CLEC14A: variants seen among roughly 807,000 people sequenced by gnomAD.
CLEC14A encodes the protein C-type lectin domain containing 14A.
For synonymous variants in CLEC14A, 349 were observed against 292.0 expected, an observed-to-expected ratio of 1.20 and a Z score of -1.99; for missense variants, 682 against 659.9, an observed-to-expected ratio of 1.03 and a Z score of -0.37.
In CLEC14A at chr14:38,255,589, A is replaced by G. The variant is rs1227729397; in HGVS notation, c.434T>C (p.Val145Ala). ...CTCGACCCCACCGGTGGCCTGGAGT[A>G]CCGCGCATCTCCGCGCGGTGCAGGA... ...QRSCTARRCA[V>A]LQATGGVEPA... Residue 145 changes from valine to alanine, a missense_variant, in exon 1 of 1, where the codon GTA becomes GCA. Physicochemically the swap from Val to Ala is moderately conservative, Grantham distance 64. Coordinates refer to ENST00000342213, the MANE Select transcript of CLEC14A (RefSeq NM_175060.3). This position sits in a 1 kb window ranked among gnomAD's most constrained non-coding sequence, Gnocchi z 5.1. 1 of 1,612,374 alleles carries G rather than the reference A, an allele frequency of 6.2e-7. No individual in the cohort carries two copies. Among genetic ancestry groups the G allele is most frequent in the Non-Finnish European group, 8.5e-7 (1 of 1,179,860 alleles).
Position 38,254,538 on chromosome 14 carries a change from T to C in CLEC14A, c.*12A>G. ...AAAACTGTTCACAGGAGTGCCCATG[T>C]CCCCTGTTTCCCTATGCATCACTAG... is the stretch of plus-strand genomic sequence containing the variant. On this transcript the variant is annotated 3_prime_UTR_variant, in exon 1 of 1. Coordinates refer to ENST00000342213, the MANE Select transcript of CLEC14A (RefSeq NM_175060.3). 6.5e-7 allele frequency: 1 copy of C among 1,535,160 alleles called. No homozygotes were observed. The highest frequency in any genetic ancestry group is 8.8e-7 in the Non-Finnish European group (1 of 1,141,130).
Position 38,254,991 on chromosome 14 carries a change from A to G in CLEC14A, c.1032T>C (p.Pro344=), listed in dbSNP as rs767627256. 5.6e-6 allele frequency: 9 copies of G among 1,614,106 alleles called. No homozygotes were observed. The Admixed American group carries it at 1.5e-4, about 27-fold the overall frequency. ...PEQDNSVTSI[P]EIPRWGSQST... ...TCTGTGATCCCCATCGAGGAATCTC[A>G]GGAATAGATGTTACTGAATTGTCTT... The change falls in exon 1 of 1, where the codon CCT becomes CCC. Residue 344 remains proline, a synonymous_variant. Transcript: ENST00000342213.
Position 38,255,604 on chromosome 14 carries a change from G to C in CLEC14A, c.419C>G (p.Ala140Gly). The change falls in exon 1 of 1, where the codon GCG becomes GGG. Residue 140 changes from alanine to glycine, a missense_variant. Transcript: ENST00000342213. The surrounding 1 kb of genome is among the most constrained non-coding windows in gnomAD (Gnocchi z 5.1). ...WVEEPQRSCT[A>G]RRCAVLQATG... ...GGCCTGGAGTACCGCGCATCTCCGC[G>C]CGGTGCAGGAGCGTTGGGGCTCCTC... 7 of 1,611,630 alleles carry C rather than the reference G, an allele frequency of 4.3e-6. No homozygotes were observed. The highest frequency in any genetic ancestry group is 5.1e-6 in the Non-Finnish European group (6 of 1,179,840).
Position 38,254,859 on chromosome 14 carries a change from AG to A in CLEC14A, c.1163del (p.Thr388IlefsTer16). On this transcript the variant is annotated frameshift_variant, in exon 1 of 1. Coordinates refer to ENST00000342213, the MANE Select transcript of CLEC14A (RefSeq NM_175060.3). LOFTEE classifies it low-confidence loss of function (END_TRUNC). The stretch of plus-strand genomic sequence containing the variant: ...CAGAGGAGGAGTCGAAAGCCTGAGG[AG>A]TGGCAGAGGAAGTCGTAGAATTAAA... ...SKFNSTTSSA[T>X]PQAFDSSSAV... 6.2e-7 allele frequency: 1 copy of A among 1,613,846 alleles called. No homozygotes were observed. Among genetic ancestry groups the A allele is most frequent in the Non-Finnish European group, 8.5e-7 (1 of 1,179,848 alleles).
At position 38,255,255 on chromosome 14, in the gene CLEC14A, G is replaced by A. The variant is rs201561377; in HGVS notation, c.768C>T (p.Cys256=). The A allele has an allele frequency of 2.5e-4, 411 of 1,613,832 alleles. 1 individual carries two copies. The highest frequency in any genetic ancestry group is 1.2e-4 in the Non-Finnish European group (145 of 1,180,040). ...CPGRYLRAGK[C]AELPNCLDDL... ...CGTCTAGGCAGTTAGGGAGCTCTGC[G>A]CATTTGCCAGCACGGAGGTACCTCC... The change falls in exon 1 of 1, where the codon TGC becomes TGT. Residue 256 remains cysteine, a synonymous_variant. Transcript: ENST00000342213. The surrounding 1 kb of genome is among the most constrained non-coding windows in gnomAD (Gnocchi z 5.1).
At position 38,255,236 on chromosome 14, in the gene CLEC14A, G is replaced by T; in HGVS notation, c.787C>A (p.Leu263Ile). The change falls in exon 1 of 1, where the codon CTA (leucine) becomes ATA (isoleucine). Residue 263 changes from leucine (L) to isoleucine (I), a missense_variant. Transcript: ENST00000342213. This position sits in a 1 kb window ranked among gnomAD's most constrained non-coding sequence, Gnocchi z 5.1. The stretch of plus-strand genomic sequence containing the variant: ...CAGGCAAAGCCTCCCAAGTCGTCTA[G>T]GCAGTTAGGGAGCTCTGCGCATTTG... ...AGKCAELPNC[L>I]DDLGGFACEC... 6.2e-7 allele frequency: 1 copy of T among 1,613,888 alleles called. No individual in the cohort carries two copies. Among genetic ancestry groups the T allele is most frequent in the Non-Finnish European group, 8.5e-7 (1 of 1,180,038 alleles).
Position 38,255,090 on chromosome 14 carries a change from G to A in CLEC14A, c.933C>T (p.Thr311=), listed in dbSNP as rs758796396. 3 of 1,612,504 alleles carry A rather than the reference G, an allele frequency of 1.9e-6. No individual in the cohort carries two copies. Among genetic ancestry groups the A allele is most frequent in the Non-Finnish European group, 2.5e-6 (3 of 1,180,010 alleles). The change falls in exon 1 of 1, where the codon ACC becomes ACT. Residue 311 remains threonine (T), a synonymous_variant. Transcript: ENST00000342213. The surrounding 1 kb of genome is among the most constrained non-coding windows in gnomAD (Gnocchi z 5.1). Reference sequence around the variant, plus strand: ...GCCATGTTCTCTGCGGCACGGGGCTGGTTGCAGTGGCCGGCGGGCGCCTGG... The same window carrying A: ...GCCATGTTCTCTGCGGCACGGGGCTAGTTGCAGTGGCCGGCGGGCGCCTGG... ...VPTRRPPATA[T]SPVPQRTWPI...
At position 38,255,093 on chromosome 14, in the gene CLEC14A, T is replaced by G. The variant is rs1006053713; in HGVS notation, c.930A>C (p.Ala310=). The change falls in exon 1 of 1, where the codon GCA becomes GCC. Residue 310 remains alanine (A), a synonymous_variant. Transcript: ENST00000342213. This position sits in a 1 kb window ranked among gnomAD's most constrained non-coding sequence, Gnocchi z 5.1. The part of the protein sequence containing the change: ...GVPTRRPPAT[A]TSPVPQRTWP... Reference sequence around the variant, plus strand: ...ATGTTCTCTGCGGCACGGGGCTGGTTGCAGTGGCCGGCGGGCGCCTGGTGG... The same window carrying G: ...ATGTTCTCTGCGGCACGGGGCTGGTGGCAGTGGCCGGCGGGCGCCTGGTGG... The G allele has an allele frequency of 6.2e-7, 1 of 1,612,668 alleles. No homozygotes were observed. Among genetic ancestry groups the G allele is most frequent in the Non-Finnish European group, 8.5e-7 (1 of 1,179,994 alleles).
Position 38,255,810 on chromosome 14 carries a change from G to C in CLEC14A, c.213C>G (p.Arg71=), listed in dbSNP as rs1431594254. 6.5e-7 allele frequency: 1 copy of C among 1,539,116 alleles called. No individual in the cohort carries two copies. Among genetic ancestry groups the C allele is most frequent in the Admixed American group, 1.9e-5 (1 of 51,310 alleles). Reference sequence around the variant, plus strand: ...CTGCCCGCAGGAGCGCGAGCACAGCGCGCAGCTCGGCGCCCGCACGCACGG... The same window carrying C: ...CTGCCCGCAGGAGCGCGAGCACAGCCCGCAGCTCGGCGCCCGCACGCACGG... ...LSTVRAGAEL[R]AVLALLRAGP... The change falls in exon 1 of 1, where the codon CGC becomes CGG. Residue 71 remains arginine, a synonymous_variant. Coordinates refer to ENST00000342213, the MANE Select transcript of CLEC14A (RefSeq NM_175060.3). This position sits in a 1 kb window ranked among gnomAD's most constrained non-coding sequence, Gnocchi z 5.1.
At position 38,254,528 on chromosome 14, in the gene CLEC14A, A is replaced by G. The variant is rs1883999787; in HGVS notation, c.*22T>C. 1.3e-6 allele frequency: 2 copies of G among 1,522,814 alleles called. No homozygotes were observed. The highest frequency in any genetic ancestry group is 1.3e-5 in the South Asian group (1 of 76,404). 94.3% of individuals were successfully genotyped at this position (1,522,814 alleles called of 1,614,324 possible). On this transcript the variant is annotated 3_prime_UTR_variant, in exon 1 of 1. Transcript: ENST00000342213. ...TCAAAAGTGAAAAACTGTTCACAGG[A>G]GTGCCCATGTCCCCTGTTTCCCTAT...
In CLEC14A at chr14:38,255,873, G is replaced by A. The variant is rs1389633397; in HGVS notation, c.150C>T (p.Ala50=). The A allele has an allele frequency of 6.4e-7, 1 of 1,556,858 alleles. No homozygotes were observed. Among genetic ancestry groups the A allele is most frequent in the South Asian group, 1.2e-5 (1 of 85,604 alleles). The change falls in exon 1 of 1, where the codon GCC becomes GCT. Residue 50 remains alanine (A), a synonymous_variant. Coordinates refer to ENST00000342213, the MANE Select transcript of CLEC14A (RefSeq NM_175060.3). This position sits in a 1 kb window ranked among gnomAD's most constrained non-coding sequence, Gnocchi z 5.1. ...CACCTCGCAGGATGCAGGCCTCCTCGGCCGCCTGCCGCTTCATGGTAGCGT... is the reference window on the plus strand; with the variant it reads ...CACCTCGCAGGATGCAGGCCTCCTCAGCCGCCTGCCGCTTCATGGTAGCGT... ...LHHATMKRQA[A]EEACILRGGA...
chr14:38,255,642 C>A lies in CLEC14A; in HGVS notation c.381G>T (p.Thr127=), dbSNP rs138784727. 2 of 1,608,028 alleles carry A rather than the reference C, an allele frequency of 1.2e-6. No homozygotes were observed. The highest frequency in any genetic ancestry group is 3.3e-5 in the Admixed American group (2 of 59,826). ...SSDPGGLESD[T]LQWVEEPQRS... ...GTTGGGGCTCCTCCACCCACTGCAGCGTGTCGCTTTCGAGACCGCCGGGGT... is the reference window on the plus strand; with the variant it reads ...GTTGGGGCTCCTCCACCCACTGCAGAGTGTCGCTTTCGAGACCGCCGGGGT... Residue 127 remains threonine, a synonymous_variant, in exon 1 of 1, where the codon ACG becomes ACT. Coordinates refer to ENST00000342213, the MANE Select transcript of CLEC14A (RefSeq NM_175060.3). The surrounding 1 kb of genome is among the most constrained non-coding windows in gnomAD (Gnocchi z 5.1).
Position 38,254,548 on chromosome 14 carries a change from C to A in CLEC14A, c.*2G>T. The A allele has an allele frequency of 6.4e-7, 1 of 1,553,936 alleles. No individual in the cohort carries two copies. The highest frequency in any genetic ancestry group is 8.7e-7 in the Non-Finnish European group (1 of 1,149,422). ...ACAGGAGTGCCCATGTCCCCTGTTT[C>A]CCTATGCATCACTAGAGCCAAGAGG... On this transcript the variant is annotated 3_prime_UTR_variant, in exon 1 of 1. Coordinates refer to ENST00000342213, the MANE Select transcript of CLEC14A (RefSeq NM_175060.3).
rs1884048949 is a variant in CLEC14A at position 38,255,940 on chromosome 14, C to G, written c.83G>C (p.Arg28Pro). ...GGCCCCCGAGGCCGAGCAGCCAGCA[C>G]GGTCGGCAGTGGGGTGTTCGCCGCC... Reference protein sequence around the residue: ...PGGGEHPTADRAGCSASGACY... With the variant: ...PGGGEHPTADPAGCSASGACY... The change falls in exon 1 of 1, where the codon CGT (arginine) becomes CCT (proline). Residue 28 changes from arginine to proline, a missense_variant. Arg to Pro is a moderately radical substitution (Grantham distance 103). Transcript: ENST00000342213. The surrounding 1 kb of genome is among the most constrained non-coding windows in gnomAD (Gnocchi z 5.1). The G allele has an allele frequency of 6.4e-7, 1 of 1,564,166 alleles. No homozygotes were observed. The highest frequency in any genetic ancestry group is 1.8e-5 in the Admixed American group (1 of 54,140).
chr14:38,254,829 C>G lies in CLEC14A; in HGVS notation c.1194G>C (p.Val398=). Residue 398 remains valine (V), a synonymous_variant, in exon 1 of 1, where the codon GTG becomes GTC. Coordinates refer to ENST00000342213, the MANE Select transcript of CLEC14A (RefSeq NM_175060.3). ...TPQAFDSSSA[V]VFIFVSTAVV... ...CTGCTGTGCTCACAAATATGAAGAC[C>G]ACGGCAGAGGAGGAGTCGAAAGCCT... 10 of 1,614,070 alleles carry G rather than the reference C, an allele frequency of 6.2e-6. No homozygotes were observed. Among genetic ancestry groups the G allele is most frequent in the Non-Finnish European group, 8.5e-6 (10 of 1,180,006 alleles).
Position 38,255,032 on chromosome 14 carries a change from G to C in CLEC14A, c.991C>G (p.Pro331Ala), listed in dbSNP as rs370505658. 2 of 1,613,594 alleles carry C rather than the reference G, an allele frequency of 1.2e-6. No individual in the cohort carries two copies. Among genetic ancestry groups the C allele is most frequent in the East Asian group, 2.2e-5 (1 of 44,876 alleles). The change falls in exon 1 of 1, where the codon CCA (proline) becomes GCA (alanine). Residue 331 changes from proline to alanine, a missense_variant. By Grantham distance (27) the Pro-to-Ala change is conservative. Coordinates refer to ENST00000342213, the MANE Select transcript of CLEC14A (RefSeq NM_175060.3). This position sits in a 1 kb window ranked among gnomAD's most constrained non-coding sequence, Gnocchi z 5.1. ...GAATTGTCTTGTTCAGGGACAAGTG[G>C]TGTCTCTCCCAGCTTCTCGTCGACC... is the stretch of plus-strand genomic sequence containing the variant. The part of the protein sequence containing the change: ...IRVDEKLGET[P>A]LVPEQDNSVT...
In CLEC14A at chr14:38,255,521, C is replaced by T. The variant is rs766090486; in HGVS notation, c.502G>A (p.Gly168Ser). The T allele has an allele frequency of 9.3e-6, 15 of 1,613,252 alleles. No individual in the cohort carries two copies. Among genetic ancestry groups the T allele is most frequent in the Non-Finnish European group, 1.1e-5 (13 of 1,180,006 alleles). ...TCAAACTGGTACTTGCACAGGTAGC[C>T]GTTGGCGCGCAGGTGGCATCGCATC... Reference protein sequence around the residue: ...KEMRCHLRANGYLCKYQFEVL... With the variant: ...KEMRCHLRANSYLCKYQFEVL... Residue 168 changes from glycine (G) to serine (S), a missense_variant, in exon 1 of 1, where the codon GGC becomes AGC. Transcript: ENST00000342213. This position sits in a 1 kb window ranked among gnomAD's most constrained non-coding sequence, Gnocchi z 5.1.
At position 38,254,980 on chromosome 14, in the gene CLEC14A, C is replaced by T. The variant is rs60904056; in HGVS notation, c.1043G>A (p.Arg348Gln). 3.2e-3 allele frequency: 5,215 copies of T among 1,614,104 alleles called. 155 individuals carry two copies. The African/African-American group carries it at 0.057, about 18-fold the overall frequency. Residue 348 changes from arginine to glutamine, a missense_variant, in exon 1 of 1, where the codon CGA (arginine) becomes CAA (glutamine). Physicochemically the swap from Arg to Gln is conservative, Grantham distance 43 (BLOSUM62 1). Coordinates refer to ENST00000342213, the MANE Select transcript of CLEC14A (RefSeq NM_175060.3). ...NSVTSIPEIP[R>Q]WGSQSTMSTL... ...AGACATCGTGCTCTGTGATCCCCAT[C>T]GAGGAATCTCAGGAATAGATGTTAC... is the stretch of plus-strand genomic sequence containing the variant.
Position 38,255,444 on chromosome 14 carries a change from G to T in CLEC14A, c.579C>A (p.Arg193=). The change falls in exon 1 of 1, where the codon CGC becomes CGA. Residue 193 remains arginine (R), a synonymous_variant. Coordinates refer to ENST00000342213, the MANE Select transcript of CLEC14A (RefSeq NM_175060.3). The surrounding 1 kb of genome is among the most constrained non-coding windows in gnomAD (Gnocchi z 5.1). ...CGGCGCTGTGCAGCTGGAAGGGCGC[G>T]CGATAGCTCAAGTTAGAGGCGGCCC... is the stretch of plus-strand genomic sequence containing the variant. The part of the protein sequence containing the change: ...RPGAASNLSY[R]APFQLHSAAL... 1 of 1,613,302 alleles carries T rather than the reference G, an allele frequency of 6.2e-7. No homozygotes were observed. Among genetic ancestry groups the T allele is most frequent in the South Asian group, 1.1e-5 (1 of 91,084 alleles).
Sources: gnomAD v4.1 joint callset for allele counts on GRCh38, gnomAD v4.1.1 for gene constraint, Gnocchi (gnomAD v3.1) non-coding constraint, MANE v1.5 for transcripts, NCBI Gene and HGNC (gene_info 2026-07-23, HGNC 2026-07-21) for gene names.